DLG5: variants seen among roughly 807,000 people sequenced by gnomAD.
DLG5 encodes discs large MAGUK scaffold protein 5, also known as disks large homolog 5.
DLG5 carries 48 observed loss-of-function variants against 189.8 expected under a neutral mutation model. The ratio of observed to expected loss-of-function variants is 0.25; its 90% CI spans 0.20 to 0.32. The LOEUF is 0.32. Ranked by LOEUF, DLG5 falls within the 10% of genes least tolerant of loss-of-function variation. The pLI, the probability that DLG5 is intolerant of heterozygous loss-of-function variation, is 1.00. For synonymous variants in DLG5, 1,016 were observed against 1,054.1 expected, an observed-to-expected ratio of 0.96 and a Z score of 0.70; for missense variants, 2,160 against 2,544.7, an observed-to-expected ratio of 0.85 and a Z score of 3.25.
Position 77,853,503 on chromosome 10 carries a change from G to C in DLG5, c.715C>G (p.Arg239Gly). 2.5e-6 allele frequency: 4 copies of C among 1,610,030 alleles called. No homozygotes were observed. Among genetic ancestry groups the C allele is most frequent in the Non-Finnish European group, 3.4e-6 (4 of 1,178,538 alleles). Residue 239 changes from arginine to glycine, a missense_variant, in exon 5 of 32, where the codon CGG becomes GGG. Arg to Gly is a moderately radical substitution (Grantham distance 125). Coordinates refer to ENST00000372391, the MANE Select transcript of DLG5 (RefSeq NM_004747.4). ...LHSRLLSDQT[R>G]LKDDVDMLRR... is the part of the protein sequence containing the mutation. ...AGCATGTCCACGTCATCCTTCAGCC[G>C]AGTCTGGTCACTCAGGAGCCGGCTG...
At chr10:77,928,893 T>C (rs1454930390), upstream of DLG5, 4 of 152,104 alleles carry the variant, frequency 2.6e-5, no homozygotes, top group African/African-American at 9.7e-5. Context: ...CCAGGCATGA[T>C]GGTGCAAGCC....
intron 8 of DLG5, among the ~76,000 whole-genome samples, 174 bp from the exon 9 acceptor site, chr10:77,834,213 G>T (rs1229063814): frequency 1.3e-5 from 2 of 152,126 alleles, no homozygotes; most frequent in Non-Finnish European, 2.9e-5. Context: ...GCCAGCCCCA[G>T]TGCATGACAG....
intron 14 of DLG5, 76 bp downstream of exon 14, chr10:77,824,305 AAGG>A (rs1213918907): frequency 1.8e-6 from 2 of 1,092,150 alleles, no homozygotes; most frequent in East Asian, 4.9e-5. Flanking sequence ...CTGTGACCCC[AAGG>A]AGTAGCATGG....
rs369253379 is a variant in DLG5, at chr10:77,822,200, T to C, written c.2383-99A>G. 2.3e-5 allele frequency: 31 copies of C among 1,338,648 alleles called. No homozygotes were observed. In the South Asian group the frequency reaches 4.2e-4, roughly 18 times the overall value. 82.9% of individuals were successfully genotyped at this position (1,338,648 alleles called of 1,614,324 possible). A position where few individuals can be genotyped will look rare whatever the true frequency, so the allele number is the denominator to read the frequency against. On this transcript the variant is annotated intron_variant, in intron 14 of 31. Coordinates refer to ENST00000372391, the MANE Select transcript of DLG5 (RefSeq NM_004747.4). ...CCAGAGGTAAAGCAATGGTCAGGAA[T>C]GGGCCACCTGCCCCTTAAAAAAGAG...
At chr10:77,906,962 T>C (rs1263253215) in intron 1 of DLG5, among the ~76,000 whole-genome samples, 2 of 152,056 alleles carry the variant, frequency 1.3e-5, no homozygotes, top group African/African-American at 2.4e-5. Context: ...CACATCATCC[T>C]TCTATTGATG....
Position 77,828,486 on chromosome 10 carries a change from C to CAAAAAAA in DLG5, c.2289+389_2289+395dup, listed in dbSNP as rs34839290. On this transcript the variant is annotated intron_variant, in intron 13 of 31. Transcript: ENST00000372391. Reference sequence around the variant, plus strand: ...TGGGTGACAGAGCAAGACTCCATATCAAAAAAAAAAAAAAAAAAAAAAAAG... The same window carrying CAAAAAAA: ...TGGGTGACAGAGCAAGACTCCATATCAAAAAAAAAAAAAAAAAAAAAAAAAAAAAAAG... 8.9e-4 allele frequency among the ~76,000 whole-genome samples: 59 copies of CAAAAAAA among 66,260 alleles called. 1 individual carries two copies. The highest frequency in any genetic ancestry group is 1.2e-3 in the Admixed American group (6 of 4,994). 43.5% of individuals were successfully genotyped at this position (66,260 alleles called of 152,430 possible).
At chr10:77,884,381 C>A (rs141442687) in intron 1 of DLG5, among the ~76,000 whole-genome samples, 1 of 152,136 alleles carries the variant, frequency 6.6e-6, no homozygotes, top group African/African-American at 2.4e-5. Flanking sequence ...TGCATCACAC[C>A]GCCTGCCTGA....
Position 77,821,931 on chromosome 10 carries a change from C to T in DLG5, c.2553G>A (p.Arg851=), listed in dbSNP as rs544809899. 5 of 1,614,132 alleles carry T rather than the reference C, an allele frequency of 3.1e-6. No homozygotes were observed. The highest frequency in any genetic ancestry group is 2.7e-5 in the African/African-American group (2 of 74,950). Residue 851 remains arginine, a synonymous_variant, in exon 15 of 32, where the codon AGG becomes AGA. Coordinates refer to ENST00000372391, the MANE Select transcript of DLG5 (RefSeq NM_004747.4). ...STQTDIFYTD[R]LEDRKEPGPP... is the part of the protein sequence containing the mutation. Reference sequence around the variant, plus strand: ...GGCCTGGCTCCTTCCTGTCTTCCAGCCTGTCCGTGTAGAAGATGTCTGTCT... The same window carrying T: ...GGCCTGGCTCCTTCCTGTCTTCCAGTCTGTCCGTGTAGAAGATGTCTGTCT...
At position 77,837,214 on chromosome 10, in the gene DLG5, CAAAAAAAAAAAAA is replaced by C. The variant is rs10531052; in HGVS notation, c.1438-1305_1438-1293del. On this transcript the variant is annotated intron_variant, in intron 7 of 31. Coordinates refer to ENST00000372391, the MANE Select transcript of DLG5 (RefSeq NM_004747.4). ...TGGACAACAGAGGGAGACTCGGTCT[CAAAAAAAAAAAAA>C]AAAAAAAAAAAAAAGTGTATTAATT... Among the ~76,000 whole-genome samples, 23 of 69,692 alleles carry C rather than the reference CAAAAAAAAAAAAA, an allele frequency of 3.3e-4. No individual in the cohort carries two copies. In the East Asian group the frequency reaches 9.5e-3, roughly 29 times the overall value. The allele number at this position is 69,692 out of a possible 152,430, so 45.7% of individuals were successfully genotyped here. A position where few individuals can be genotyped will look rare whatever the true frequency, so the allele number is the denominator to read the frequency against.
rs781241159 is a variant in DLG5 at position 77,806,755 on chromosome 10, T to C, written c.4967+3A>G. ...CCCCACCCCAGGCCCGGAGAACACTTACACATATTTGCTGGGAATCTGCCC... is the reference window on the plus strand; with the variant it reads ...CCCCACCCCAGGCCCGGAGAACACTCACACATATTTGCTGGGAATCTGCCC... On this transcript the variant is annotated splice_donor_region_variant and intron_variant, in intron 26 of 31. Coordinates refer to ENST00000372391, the MANE Select transcript of DLG5 (RefSeq NM_004747.4). 6 of 1,370,770 alleles carry C rather than the reference T, an allele frequency of 4.4e-6. No homozygotes were observed. Among genetic ancestry groups the C allele is most frequent in the Non-Finnish European group, 6.1e-6 (6 of 987,126 alleles). 84.9% of individuals were successfully genotyped at this position (1,370,770 alleles called of 1,614,324 possible).
intron 20 of DLG5, 124 bp from the exon 21 acceptor site, chr10:77,812,501 T>C (rs931930606): frequency 8.1e-6 from 9 of 1,110,906 alleles, no homozygotes; most frequent in Middle Eastern, 2.3e-4. Flanking sequence ...GATGCTCCCA[T>C]TGTGACACAG....
chr10:77,852,996 T>A (rs992819903), intron 5 of DLG5, among the ~76,000 whole-genome samples: 11 of 152,136 alleles, frequency 7.2e-5, no homozygotes, highest in Non-Finnish European at 1.6e-4. Context: ...GTGTTTTTTT[T>A]ATCAGAGACA....
At position 77,908,335 on chromosome 10, in the gene DLG5, ACATCCT is replaced by A. The variant is rs905423879; in HGVS notation, c.304+17876_304+17881del. On this transcript the variant is annotated intron_variant, in intron 1 of 31. Transcript: ENST00000372391. ...GGATCCTGGGAAGGCCAGCCAGTCTACATCCTCACCTACCCACCTGCGGCCACCGGG... is the reference window on the plus strand; with the variant it reads ...GGATCCTGGGAAGGCCAGCCAGTCTACACCTACCCACCTGCGGCCACCGGG... Among the ~76,000 whole-genome samples the A allele has an allele frequency of 5.3e-4, 81 of 152,248 alleles. 1 individual carries two copies. The highest frequency in any genetic ancestry group is 1.9e-3 in the African/African-American group (81 of 41,554).
intron 30 of DLG5, 27 bp from the exon 31 acceptor site, chr10:77,794,144 G>C: frequency 6.3e-7 from 1 of 1,591,774 alleles, no homozygotes; most frequent in Non-Finnish European, 8.6e-7. Flanking sequence ...ACACCAGGCT[G>C]AGCACTGAGC....
chr10:77,881,501 C>G (rs1305559586), intron 1 of DLG5, among the ~76,000 whole-genome samples: 2 of 152,194 alleles, frequency 1.3e-5, no homozygotes, highest in Non-Finnish European at 2.9e-5. Flanking sequence ...GCCTTGTCCT[C>G]TAGTCCTGGC....
chr10:77,937,711 T>G, the DLG5 span, among the ~76,000 whole-genome samples: 1 of 136,422 alleles, frequency 7.3e-6, no homozygotes, highest in Non-Finnish European at 1.5e-5. Context: ...CATCACATTT[T>G]ATACTTTTTT....
intron 1 of DLG5, among the ~76,000 whole-genome samples, chr10:77,884,379 A>G (rs558837705): frequency 6.6e-6 from 1 of 152,192 alleles, no homozygotes; most frequent in Non-Finnish European, 1.5e-5. Context: ...CATGCATCAC[A>G]CCGCCTGCCT....
intron 5 of DLG5, chr10:77,845,168 A>C (rs1843623463): frequency 1.3e-5 from 2 of 152,222 alleles, no homozygotes; most frequent in African/African-American, 4.8e-5. Context: ...CAAGAAGATG[A>C]GTTAAGAGGT....
chr10:77,821,078 A>G lies in DLG5; in HGVS notation c.3402+4T>C. The G allele has an allele frequency of 1.9e-6, 3 of 1,602,520 alleles. No individual in the cohort carries two copies. The highest frequency in any genetic ancestry group is 2.6e-6 in the Non-Finnish European group (3 of 1,173,834). On this transcript the variant is annotated splice_donor_region_variant and intron_variant, in intron 15 of 31. Coordinates refer to ENST00000372391, the MANE Select transcript of DLG5 (RefSeq NM_004747.4). Reference sequence around the variant, plus strand: ...CCTCCCCACACCCTGGGGCTCAGCTATACCTCCAGGAACTGAGCAGGAATC... The same window carrying G: ...CCTCCCCACACCCTGGGGCTCAGCTGTACCTCCAGGAACTGAGCAGGAATC...
Sources: gnomAD v4.1 joint callset for allele counts (sites outside exome capture counted in the v4.1 genomes callset) on GRCh38, gnomAD v4.1.1 for gene constraint, MANE v1.5 for transcripts, NCBI Gene and HGNC (gene_info 2026-07-23, HGNC 2026-07-21) for gene names.